Variants in AIMP1 observed in about 807,000 individuals in gnomAD.
AIMP1 encodes the protein aminoacyl tRNA synthase complex-interacting multifunctional protein 1.
In AIMP1, 24 loss-of-function variants were observed where a neutral mutation model predicts 33.1. The ratio of observed to expected loss-of-function variants is 0.73; its 90% confidence interval spans 0.53 to 1.02. AIMP1 has a LOEUF of 1.02. AIMP1 is among the 50% of genes least tolerant of loss of function. AIMP1 has a pLI of 0.00. For synonymous variants in AIMP1, 120 were observed against 121.5 expected, an observed-to-expected ratio of 0.99 and a Z score of 0.08; for missense variants, 367 against 364.8, an observed-to-expected ratio of 1.01 and a Z score of -0.05.
In AIMP1 at chr4:106,331,741, G is replaced by A. The variant is rs202139899; in HGVS notation, c.461G>A (p.Arg154His). The A allele has an allele frequency of 5.3e-5, 86 of 1,613,880 alleles. No individual in the cohort carries two copies. Among genetic ancestry groups the A allele is most frequent in the South Asian group, 9.9e-5 (9 of 91,074 alleles). The change falls in exon 5 of 7, where the codon CGT becomes CAT. Residue 154 changes from arginine (R) to histidine (H), a missense_variant. Physicochemically the swap from Arg to His is conservative, Grantham distance 29. Coordinates refer to ENST00000672341, the MANE Select transcript of AIMP1 (RefSeq NM_001142416.2). ...GACTCTAAGCCAATAGATGTTTCCC[G>A]TCTGGATCTTCGAATTGGTTGCATC... ...SADSKPIDVS[R>H]LDLRIGCIIT...
rs181785860 is a variant in AIMP1, at chr4:106,341,804, A to T, written c.772+4767A>T. Among the ~76,000 whole-genome samples the T allele has an allele frequency of 1.7e-3, 266 of 152,002 alleles. 4 individuals carry two copies. The East Asian group carries it at 0.048, about 27-fold the overall frequency. ...CCTCATTCCACGCAAATTTTAGAAA[A>T]TTTTTTTCTAATTCTGTTATAAATG... On this transcript the variant is annotated intron_variant, in intron 6 of 6. Transcript: ENST00000672341.
At chr4:106,322,089 A>G (rs1769284351) in intron 1 of AIMP1, among the ~76,000 whole-genome samples, 2 of 152,158 alleles carry the variant, frequency 1.3e-5, no homozygotes, top group South Asian at 4.1e-4. Context: ...TGAAGGCAGC[A>G]TGCTCCTTAA....
intron 1 of AIMP1, among the ~76,000 whole-genome samples, chr4:106,323,064 TA>T (rs1328258856): frequency 1.3e-5 from 2 of 152,182 alleles, no homozygotes; most frequent in East Asian, 3.8e-4. Context: ...ATTTAGTGTT[TA>T]GTTCATTTGT....
At chr4:106,322,883 C>T (rs569664327) in intron 1 of AIMP1, among the ~76,000 whole-genome samples, 1 of 151,456 alleles carries the variant, frequency 6.6e-6, no homozygotes, top group Non-Finnish European at 1.5e-5. Flanking sequence ...ATTTGGGAGG[C>T]TAAGGCAGGA....
rs1770347161 is a variant in AIMP1 at position 106,347,507 on chromosome 4, C to CT, written c.773-12dup. ...ATATTAGCTGTGTAATTTTCTTGTG[C>CT]TTTTTTTCTCCTACACAGGAGAGCC... is the stretch of plus-strand genomic sequence containing the variant. On this transcript the variant is annotated intron_variant, in intron 6 of 6. Transcript: ENST00000672341. 10 of 1,603,194 alleles carry CT rather than the reference C, an allele frequency of 6.2e-6. No homozygotes were observed. The highest frequency in any genetic ancestry group is 8.5e-6 in the Non-Finnish European group (10 of 1,174,708).
intron 1 of AIMP1, among the ~76,000 whole-genome samples, chr4:106,324,673 A>G (rs1280334233): frequency 6.6e-6 from 1 of 152,168 alleles, no homozygotes; most frequent in African/African-American, 2.4e-5. Flanking sequence ...AGTTACGGTT[A>G]TTGTTATTCT....
Position 106,328,156 on chromosome 4 carries a change from G to GT in AIMP1, c.305dup (p.Thr103AsnfsTer26), listed in dbSNP as rs1406219014. Reference sequence around the variant, plus strand: ...TGAAAATGTGATACAGTCTACAGCAGTAACAACCGTATCTTCTGGTACCAA... The same window carrying GT: ...TGAAAATGTGATACAGTCTACAGCAGTTAACAACCGTATCTTCTGGTACCAA... On this transcript the variant is annotated frameshift_variant, in exon 4 of 7. Coordinates refer to ENST00000672341, the MANE Select transcript of AIMP1 (RefSeq NM_001142416.2). LOFTEE classifies it high-confidence loss of function. 1.2e-6 allele frequency: 2 copies of GT among 1,613,398 alleles called. No homozygotes were observed. Among genetic ancestry groups the GT allele is most frequent in the East Asian group, 4.5e-5 (2 of 44,818 alleles).
At chr4:106,320,181 C>T (rs975060135) in intron 1 of AIMP1, among the ~76,000 whole-genome samples, 1 of 152,038 alleles carries the variant, frequency 6.6e-6, no homozygotes, top group African/African-American at 2.4e-5. Flanking sequence ...ATTGAAAAAT[C>T]ACAGGGGAGT....
intron 1 of AIMP1, among the ~76,000 whole-genome samples, chr4:106,321,109 C>T (rs1769208377): frequency 6.6e-6 from 1 of 152,200 alleles, no homozygotes; most frequent in African/African-American, 2.4e-5. Flanking sequence ...CCTCCACCTC[C>T]CAGCCGCCTG....
intron 6 of AIMP1, among the ~76,000 whole-genome samples, chr4:106,344,651 A>G (rs1433764170): frequency 1.3e-5 from 2 of 152,168 alleles, no homozygotes; most frequent in Non-Finnish European, 2.9e-5. Flanking sequence ...ACTCTGCTCA[A>G]AACTATTCAG....
intron 6 of AIMP1, among the ~76,000 whole-genome samples, chr4:106,339,213 T>C (rs1178598960): frequency 6.6e-6 from 1 of 152,152 alleles, no homozygotes; most frequent in Non-Finnish European, 1.5e-5. Context: ...TGGGGAACTG[T>C]TGGGAAGGCA....
chr4:106,345,711 GT>G (rs1770271567), intron 6 of AIMP1, among the ~76,000 whole-genome samples: 1 of 151,640 alleles, frequency 6.6e-6, no homozygotes, highest in African/African-American at 2.4e-5. Flanking sequence ...TGTTCTTGCA[GT>G]TTCATAGTTT....
intron 1 of AIMP1, among the ~76,000 whole-genome samples, chr4:106,319,084 T>C (rs1362196257): frequency 1.3e-5 from 2 of 152,188 alleles, no homozygotes; most frequent in African/African-American, 2.4e-5. Flanking sequence ...AATTCTGAAA[T>C]AGGGAAATTA....
At chr4:106,333,953 A>C (rs916982977) in intron 5 of AIMP1, among the ~76,000 whole-genome samples, 1 of 152,202 alleles carries the variant, frequency 6.6e-6, no homozygotes, top group Non-Finnish European at 1.5e-5. Flanking sequence ...TTTTTAAAAA[A>C]TCTAGTAACA....
chr4:106,330,719 A>G lies in AIMP1; in HGVS notation c.392-953A>G, dbSNP rs186798744. 1.6e-3 allele frequency among the ~76,000 whole-genome samples: 247 copies of G among 152,308 alleles called. 1 individual carries two copies. The highest frequency in any genetic ancestry group is 5.8e-3 in the African/African-American group (240 of 41,562). ...TGCCCATCTTACTGTTTCCAGTGTC[A>G]TAGCACTCCGTATGTTGAAAGATTA... On this transcript the variant is annotated intron_variant, in intron 4 of 6. Transcript: ENST00000672341.
chr4:106,342,960 A>G (rs2125928753), intron 6 of AIMP1, among the ~76,000 whole-genome samples: 1 of 146,008 alleles, frequency 6.8e-6, no homozygotes, highest in South Asian at 2.2e-4. Context: ...GTTGGAGTGC[A>G]GTGGCGTTAT....
At position 106,327,462 on chromosome 4, in the gene AIMP1, A is replaced by C; in HGVS notation, c.121A>C (p.Thr41Pro). 1.9e-6 allele frequency: 3 copies of C among 1,611,910 alleles called. No homozygotes were observed. Among genetic ancestry groups the C allele is most frequent in the Non-Finnish European group, 2.5e-6 (3 of 1,178,412 alleles). The change falls in exon 3 of 7, where the codon ACT (threonine) becomes CCT (proline). Residue 41 changes from threonine to proline, a missense_variant. Physicochemically the swap from Thr to Pro is conservative, Grantham distance 38 (BLOSUM62 -1). Coordinates refer to ENST00000672341, the MANE Select transcript of AIMP1 (RefSeq NM_001142416.2). The stretch of plus-strand genomic sequence containing the variant: ...GTTCTTGATCCTAGTTTTGCAGGCA[A>C]CTTTGAGGGAAGAGAAGAAACTTCG... The part of the protein sequence containing the change: ...LLKEKAILQA[T>P]LREEKKLRVE...
At chr4:106,316,218 C>T (rs549824227), upstream of AIMP1, 6 of 250,450 alleles carry the variant, frequency 2.4e-5, no homozygotes, top group African/African-American at 1.3e-4. Context: ...CTACCCTCCC[C>T]TCAGCCTGGC....
chr4:106,336,030 CTTTTTTTTTTTTT>C (rs34219049), intron 5 of AIMP1, among the ~76,000 whole-genome samples: 3 of 59,390 alleles, frequency 5.1e-5, no homozygotes, highest in Admixed American at 2.2e-4. Flanking sequence ...GTTAAATGAT[CTTTTTTTTTTTTT>C]TTTTTTTTTT....
Sources: allele counts gnomAD v4.1 joint callset (sites outside exome capture counted in the v4.1 genomes callset), GRCh38; gene constraint gnomAD v4.1.1; transcripts MANE v1.5; gene names NCBI Gene and HGNC (gene_info 2026-07-23, HGNC 2026-07-21).